Variants in OSBPL10 observed in about 807,000 individuals in gnomAD.
OSBPL10 encodes the protein oxysterol binding protein like 10.
Under a neutral mutation model 81.7 loss-of-function variants are expected in OSBPL10, and 49 were observed. The observed-to-expected ratio is 0.60, with a 90% confidence interval of 0.48 to 0.76. The LOEUF (loss-of-function observed/expected upper bound fraction) is 0.76, where lower values mean the gene tolerates loss of function less well. Ranked by LOEUF, OSBPL10 falls within the 30% of genes least tolerant of loss-of-function variation. The pLI is 0.00. For synonymous variants in OSBPL10, 419 were observed against 383.6 expected, an observed-to-expected ratio of 1.09 and a Z score of -1.08; for missense variants, 923 against 987.8, an observed-to-expected ratio of 0.93 and a Z score of 0.88.
At chr3:31,970,235 C>T (rs1296112058) in intron 1 of OSBPL10, among the ~76,000 whole-genome samples, 2 of 152,120 alleles carry the variant, frequency 1.3e-5, no homozygotes, top group Non-Finnish European at 2.9e-5. Context: ...TATTCCTCCC[C>T]CTCCCCACAA....
rs1247492172 is a variant in OSBPL10, at chr3:31,661,239, T to G, written c.*833A>C. 6.6e-6 allele frequency: 1 copy of G among 152,568 alleles called. No individual in the cohort carries two copies. Among genetic ancestry groups the G allele is most frequent in the African/African-American group, 2.4e-5 (1 of 41,468 alleles). 9.5% of individuals were successfully genotyped at this position (152,568 alleles called of 1,614,324 possible). A position where few individuals can be genotyped will look rare whatever the true frequency, so the allele number is the denominator to read the frequency against. On this transcript the variant is annotated 3_prime_UTR_variant, in exon 12 of 12. Transcript: ENST00000396556. ...AAATACAAGATTGAGGCTGTGGTTG[T>G]GCATGTTTTCATGTGCATGCATGTA... is the stretch of plus-strand genomic sequence containing the variant.
At chr3:31,961,322 CCAGGGAAGGCTT>C (rs1366463581) in intron 1 of OSBPL10, among the ~76,000 whole-genome samples, 2 of 152,034 alleles carry the variant, frequency 1.3e-5, no homozygotes, top group Non-Finnish European at 2.9e-5. Context: ...GCCCAGGAAG[CCAGGGAAGGCTT>C]CAGGAGAAAA....
intron 1 of OSBPL10, among the ~76,000 whole-genome samples, chr3:32,071,991 A>AT (rs1482592275): frequency 6.6e-6 from 1 of 152,172 alleles, no homozygotes; most frequent in Non-Finnish European, 1.5e-5. Context: ...AGACTATGCT[A>AT]TAGTATCTTC....
rs139303413 is a variant in OSBPL10 at position 31,827,118 on chromosome 3, G to C, written c.729+2922C>G. 3.2e-3 allele frequency among the ~76,000 whole-genome samples: 485 copies of C among 151,648 alleles called. 5 individuals carry two copies. The highest frequency in any genetic ancestry group is 0.011 in the African/African-American group (441 of 41,320). ...TTTTGAGATGGGGTCTTGCTATGTT[G>C]CCCAGGCTGGTTTTGAACTCCTGGC... On this transcript the variant is annotated intron_variant, in intron 4 of 11. Transcript: ENST00000396556.
At chr3:31,687,616 G>A (rs946663589) in intron 7 of OSBPL10, among the ~76,000 whole-genome samples, 3 of 152,106 alleles carry the variant, frequency 2.0e-5, no homozygotes, top group African/African-American at 7.2e-5. Context: ...CAGTGGCCGA[G>A]CCAGCAGGGA....
intron 6 of OSBPL10, among the ~76,000 whole-genome samples, chr3:31,720,755 C>A (rs574220231): frequency 6.6e-6 from 1 of 151,728 alleles, no homozygotes; most frequent in South Asian, 2.1e-4. Flanking sequence ...AAAAAATTAG[C>A]CGGGCGTGGT....
intron 3 of OSBPL10, among the ~76,000 whole-genome samples, chr3:31,846,250 C>T (rs1202591086): frequency 1.3e-5 from 2 of 152,284 alleles, no homozygotes; most frequent in Middle Eastern, 3.4e-3. Flanking sequence ...TGGGCTCCAG[C>T]GATCCTCCGC....
intron 1 of OSBPL10, among the ~76,000 whole-genome samples, chr3:31,889,878 T>C (rs538564858): frequency 1.3e-5 from 2 of 152,148 alleles, no homozygotes; most frequent in Non-Finnish European, 2.9e-5. Flanking sequence ...TCATGGTATG[T>C]TGTATGTCTC....
intron 4 of OSBPL10, among the ~76,000 whole-genome samples, chr3:31,768,725 G>C (rs758271741): frequency 2.0e-5 from 3 of 152,094 alleles, no homozygotes; most frequent in African/African-American, 7.2e-5. Context: ...CCACCCCAAC[G>C]CATCAGGAAC....
chr3:31,789,497 C>G (rs1698956212), intron 4 of OSBPL10, among the ~76,000 whole-genome samples: 1 of 152,188 alleles, frequency 6.6e-6, no homozygotes, highest in Non-Finnish European at 1.5e-5. Flanking sequence ...GGGTACAGGG[C>G]AGAGCAAACA....
At chr3:32,064,265 G>A (rs1332009074) in intron 1 of OSBPL10, 2 of 93,934 alleles carry the variant, frequency 2.1e-5, no homozygotes, top group African/African-American at 5.5e-5. Context: ...CACCTGGCCA[G>A]TATTTCTTTT....
chr3:31,975,649 A>G (rs1362067051), intron 1 of OSBPL10, among the ~76,000 whole-genome samples: 1 of 152,184 alleles, frequency 6.6e-6, no homozygotes, highest in African/African-American at 2.4e-5. Context: ...AGAACCAAAG[A>G]CTGTTTGCAG....
chr3:31,980,599 G>T (rs1484346404), intron 1 of OSBPL10, among the ~76,000 whole-genome samples: 3 of 152,196 alleles, frequency 2.0e-5, no homozygotes, highest in African/African-American at 7.2e-5. Context: ...GGACCAGCAC[G>T]ATCCTCCTGC....
intron 1 of OSBPL10, among the ~76,000 whole-genome samples, chr3:31,949,323 C>T (rs1388507331): frequency 6.6e-6 from 1 of 152,164 alleles, no homozygotes; most frequent in East Asian, 1.9e-4. Context: ...TGGATGCATA[C>T]ATCCTTCTCC....
chr3:32,003,384 C>G (rs888379066), intron 2 of OSBPL10, among the ~76,000 whole-genome samples: 6 of 152,180 alleles, frequency 3.9e-5, no homozygotes, highest in African/African-American at 1.4e-4. Context: ...CCTAAGGCAC[C>G]TGGTTTGCAA....
chr3:32,016,267 T>TA (rs1575086097), intron 2 of OSBPL10, among the ~76,000 whole-genome samples: 1 of 152,098 alleles, frequency 6.6e-6, no homozygotes, highest in Non-Finnish European at 1.5e-5. Context: ...TATGCAGCTA[T>TA]AAAAAATGAT....
chr3:31,696,513 C>A (rs1167994504), intron 7 of OSBPL10, among the ~76,000 whole-genome samples: 1 of 152,260 alleles, frequency 6.6e-6, no homozygotes, highest in East Asian at 1.9e-4. Flanking sequence ...CATTTGCAGG[C>A]CCCAGCTTTC....
intron 4 of OSBPL10, among the ~76,000 whole-genome samples, chr3:31,791,087 G>GAAAAAAA (rs34008735): frequency 6.6e-6 from 1 of 151,260 alleles, no homozygotes; most frequent in Non-Finnish European, 1.5e-5. Flanking sequence ...AAATGTCATG[G>GAAAAAAA]AAAAAAAAAA....
chr3:31,775,312 T>C (rs1217703882), intron 4 of OSBPL10, among the ~76,000 whole-genome samples: 4 of 151,578 alleles, frequency 2.6e-5, no homozygotes, highest in East Asian at 3.9e-4. Context: ...CTGAGAACCA[T>C]GGAACCCAAG....
Sources: allele counts gnomAD v4.1 joint callset (sites outside exome capture counted in the v4.1 genomes callset), GRCh38; gene constraint gnomAD v4.1.1; transcripts MANE v1.5; gene names NCBI Gene and HGNC (gene_info 2026-07-23, HGNC 2026-07-21).